LPXN: variants seen among roughly 807,000 people sequenced by gnomAD.
LPXN encodes leupaxin.
A neutral mutation model predicts 45.6 loss-of-function variants in LPXN; 28 were observed. The ratio of observed to expected loss-of-function variants is 0.61; its 90% CI spans 0.45 to 0.84. The LOEUF is 0.84. LPXN is among the 40% of genes least tolerant of loss of function. The pLI is 0.00. For synonymous variants in LPXN, 166 were observed against 169.9 expected (o/e 0.98, Z 0.18); for missense variants, 459 against 475.0 (o/e 0.97, Z 0.31).
At chr11:58,543,927 T>C (rs1266216957) in intron 7 of LPXN, among the ~76,000 whole-genome samples, 1 of 152,182 alleles carries the variant, frequency 6.6e-6, no homozygotes, top group Non-Finnish European at 1.5e-5. Context: ...CAGCTAGGTG[T>C]TGGGAACCAA....
Position 58,550,090 on chromosome 11 carries a change from G to C in LPXN, c.543C>G (p.Cys181Trp). 1 of 1,614,204 alleles carries C rather than the reference G, an allele frequency of 6.2e-7. No individual in the cohort carries two copies. The highest frequency in any genetic ancestry group is 8.5e-7 in the Non-Finnish European group (1 of 1,180,040). The change falls in exon 6 of 9, where the codon TGC becomes TGG. Residue 181 changes from cysteine (C) to tryptophan (W), a missense_variant. Physicochemically the swap from Cys to Trp is radical, Grantham distance 215. Coordinates refer to ENST00000395074, the MANE Select transcript of LPXN (RefSeq NM_004811.3). ...AGGGACTGGAGCCAATCTCTTCTTT[G>C]CAATGAGTACAGACAAAATGCTCAG... ...WHPEHFVCTH[C>W]KEEIGSSPFF...
intron 1 of LPXN, among the ~76,000 whole-genome samples, chr11:58,573,295 A>C (rs1023826525): frequency 1.8e-4 from 27 of 151,904 alleles, no homozygotes; most frequent in Non-Finnish European, 4.4e-5. Context: ...AAGAAAACTA[A>C]GGTAGAAAAA....
At chr11:58,575,086 G>A (rs960597640) in intron 1 of LPXN, among the ~76,000 whole-genome samples, 1 of 152,264 alleles carries the variant, frequency 6.6e-6, no homozygotes, top group South Asian at 2.1e-4. Flanking sequence ...TGAAATCCAG[G>A]ATTTCTCTGG....
chr11:58,561,439 C>T (rs1854373568), intron 3 of LPXN, among the ~76,000 whole-genome samples: 1 of 152,140 alleles, frequency 6.6e-6, no homozygotes, highest in Non-Finnish European at 1.5e-5. Flanking sequence ...TGGCCCTCTA[C>T]TAGATGCAAG....
At chr11:58,529,535 G>A (rs886432857) in intron 7 of LPXN, among the ~76,000 whole-genome samples, 57 of 151,190 alleles carry the variant, frequency 3.8e-4, no homozygotes, top group Non-Finnish European at 5.2e-4. Flanking sequence ...GCGTAAACCC[G>A]GGAGGCAGAG....
chr11:58,577,901 T>G (rs1162685105), upstream of LPXN: 9 of 1,169,778 alleles, frequency 7.7e-6, no homozygotes, highest in African/African-American at 1.1e-4. Flanking sequence ...TTTCACAGAT[T>G]TGATTAAGAG....
intron 1 of LPXN, among the ~76,000 whole-genome samples, chr11:58,573,904 C>G (rs537399400): frequency 6.6e-6 from 1 of 152,294 alleles, no homozygotes; most frequent in East Asian, 1.9e-4. Flanking sequence ...TCCTCTTTAT[C>G]TATCATGCCT....
intron 4 of LPXN, among the ~76,000 whole-genome samples, chr11:58,551,491 C>T (rs985255465): frequency 3.3e-4 from 50 of 152,284 alleles, no homozygotes; most frequent in African/African-American, 1.1e-3. Context: ...AAATTTAGTA[C>T]ATGAAGATGA....
In LPXN at chr11:58,536,439, G is replaced by C. The variant is rs183654140; in HGVS notation, c.743-8248C>G. Among the ~76,000 whole-genome samples, 1,098 of 151,898 alleles carry C rather than the reference G, an allele frequency of 7.2e-3. 8 individuals are homozygous for C. Among genetic ancestry groups the C allele is most frequent in the African/African-American group, 0.023 (933 of 41,212 alleles). ...TTCCCTATTTAATAAATGGTGTTGGGAAAACTGGCTAGCCATATGCAGAAA... is the reference window on the plus strand; with the variant it reads ...TTCCCTATTTAATAAATGGTGTTGGCAAAACTGGCTAGCCATATGCAGAAA... On this transcript the variant is annotated intron_variant, in intron 7 of 8. Transcript: ENST00000395074.
intron 3 of LPXN, among the ~76,000 whole-genome samples, chr11:58,556,808 A>T (rs1854218275): frequency 6.6e-6 from 1 of 152,204 alleles, no homozygotes; most frequent in Admixed American, 6.5e-5. Flanking sequence ...ATTTAACAAG[A>T]AATGTGTAAG....
chr11:58,576,792 T>A (rs976657546), upstream of LPXN, among the ~76,000 whole-genome samples: 2 of 152,146 alleles, frequency 1.3e-5, no homozygotes, highest in Non-Finnish European at 2.9e-5. Context: ...TTACTTTTTT[T>A]AAGACAAGCT....
chr11:58,576,265 T>C (rs557432797), upstream of LPXN, among the ~76,000 whole-genome samples: 8 of 152,264 alleles, frequency 5.3e-5, no homozygotes, highest in Non-Finnish European at 1.2e-4. Context: ...ATCCATTTCA[T>C]TTTGTTGTCT....
At chr11:58,559,758 C>G (rs907755289) in intron 3 of LPXN, among the ~76,000 whole-genome samples, 1 of 152,068 alleles carries the variant, frequency 6.6e-6, no homozygotes, top group Non-Finnish European at 1.5e-5. Context: ...TGCCTGTGGT[C>G]CCAGCTACTT....
chr11:58,541,347 AAAAC>A (rs1405996053), intron 7 of LPXN, among the ~76,000 whole-genome samples: 18 of 152,222 alleles, frequency 1.2e-4, no homozygotes, highest in Non-Finnish European at 2.1e-4. Flanking sequence ...TTACAACAAA[AAAAC>A]AAACAACCCC....
At chr11:58,571,256 C>A (rs1854688044) in intron 1 of LPXN, among the ~76,000 whole-genome samples, 1 of 152,052 alleles carries the variant, frequency 6.6e-6, no homozygotes, top group Non-Finnish European at 1.5e-5. Flanking sequence ...GGGAGGATCA[C>A]CTGAGCCTAG....
At chr11:58,577,147 A>ATT (rs147250060), upstream of LPXN, among the ~76,000 whole-genome samples, 1 of 149,440 alleles carries the variant, frequency 6.7e-6, no homozygotes, top group African/African-American at 2.5e-5. Flanking sequence ...CTGTCTGTAC[A>ATT]TTTTTTTTTG....
Position 58,527,439 on chromosome 11 carries a change from A to G in LPXN, c.*15T>C, listed in dbSNP as rs751377339. ...ATTTTATAAGGAATCTGAAGAGGCT[A>G]TGGATCAGTTGGCATTACAGTGGGA... On this transcript the variant is annotated 3_prime_UTR_variant, in exon 9 of 9. Transcript: ENST00000395074. The G allele has an allele frequency of 8.1e-6, 13 of 1,613,532 alleles. No individual in the cohort carries two copies. The South Asian group carries it at 1.4e-4, about 18-fold the overall frequency.
At chr11:58,529,827 T>C (rs1590748401) in intron 7 of LPXN, among the ~76,000 whole-genome samples, 2 of 152,226 alleles carry the variant, frequency 1.3e-5, no homozygotes, top group African/African-American at 4.8e-5. Flanking sequence ...CATTTCCAAC[T>C]GAGGTAACCG....
In LPXN at chr11:58,527,234, A is replaced by C; in HGVS notation, c.*220T>G. ...CTCCAAGTGCTTGATTGGAGAAGAG[A>C]GGGAGAAAGAGAATTTATAGAATTA... On this transcript the variant is annotated 3_prime_UTR_variant, in exon 9 of 9. Coordinates refer to ENST00000395074, the MANE Select transcript of LPXN (RefSeq NM_004811.3). 1 of 514,514 alleles carries C rather than the reference A, an allele frequency of 1.9e-6. No individual in the cohort carries two copies. The highest frequency in any genetic ancestry group is 3.5e-6 in the Non-Finnish European group (1 of 287,508). The allele number at this position is 514,514 out of a possible 1,614,324, so 31.9% of individuals were successfully genotyped here. A position where few individuals can be genotyped will look rare whatever the true frequency, so the allele number is the denominator to read the frequency against.
Sources: gnomAD v4.1 joint callset for allele counts (sites outside exome capture counted in the v4.1 genomes callset) on GRCh38, gnomAD v4.1.1 for gene constraint, MANE v1.5 for transcripts, NCBI Gene and HGNC (gene_info 2026-07-23, HGNC 2026-07-21) for gene names.